The following RERE variants were observed in gnomAD, a reference collection of about 807,000 sequenced individuals.
The protein encoded by RERE is arginine-glutamic acid dipeptide repeats protein.
In RERE, 40 loss-of-function variants were observed where a neutral mutation model predicts 146.1. The ratio of observed to expected loss-of-function variants is 0.27; its 90% CI spans 0.21 to 0.36. The LOEUF (loss-of-function observed/expected upper bound fraction) is 0.36. Ranked by LOEUF, RERE falls within the 10% of genes least tolerant of loss-of-function variation. RERE has a pLI of 1.00. For synonymous variants in RERE, 1,003 were observed against 866.0 expected (o/e 1.16, Z -2.78); for missense variants, 1,933 against 2,138.7 (o/e 0.90, Z 1.90).
intron 12 of RERE, among the ~76,000 whole-genome samples, chr1:8,374,917 C>T (rs1642181540): frequency 6.6e-6 from 1 of 152,216 alleles, no homozygotes; most frequent in African/African-American, 2.4e-5. Context: ...TCCTCCTCAT[C>T]ACTCAGGACT....
intron 2 of RERE, among the ~76,000 whole-genome samples, chr1:8,628,562 A>C (rs1259748804): frequency 6.6e-6 from 1 of 152,218 alleles, no homozygotes; most frequent in Non-Finnish European, 1.5e-5. Flanking sequence ...TCACAGAAAA[A>C]AATTCTACTT....
intron 1 of RERE, among the ~76,000 whole-genome samples, chr1:8,682,993 G>T (rs1639004116): frequency 8.9e-6 from 1 of 111,794 alleles, no homozygotes; most frequent in Non-Finnish European, 1.6e-5. Context: ...TCAGAAGTTA[G>T]ACTCCATAAT....
At chr1:8,704,278 G>A (rs1335374157) in intron 1 of RERE, among the ~76,000 whole-genome samples, 1 of 152,146 alleles carries the variant, frequency 6.6e-6, no homozygotes, top group Non-Finnish European at 1.5e-5. Context: ...AGTGGTGATA[G>A]CCAAGATCAT....
intron 12 of RERE, among the ~76,000 whole-genome samples, chr1:8,398,793 G>A (rs187246440): frequency 4.0e-4 from 61 of 152,156 alleles, no homozygotes; most frequent in Admixed American, 2.5e-3. Context: ...GCTATACATC[G>A]AAAAATTTGC....
intron 4 of RERE, among the ~76,000 whole-genome samples, chr1:8,560,399 T>G (rs535563081): frequency 8.5e-4 from 129 of 152,302 alleles, no homozygotes; most frequent in African/African-American, 3.0e-3. Context: ...GGTCTAGTAA[T>G]TCATTTTGTT....
rs372824587 is a variant in RERE, at chr1:8,529,019, G to A, written c.830+12195C>T. Among the ~76,000 whole-genome samples the A allele has an allele frequency of 3.9e-5, 6 of 152,118 alleles. No individual in the cohort carries two copies. In the South Asian group the frequency reaches 8.3e-4, roughly 21 times the overall value. On this transcript the variant is annotated intron_variant, in intron 7 of 22. Transcript: ENST00000400908. ...TGGATTTTGAAGCATTTTAGATTTC[G>A]AATTTTCAGATTAGAGATGCTCAAC...
At chr1:8,538,792 G>A (rs183328322) in intron 7 of RERE, among the ~76,000 whole-genome samples, 1 of 152,304 alleles carries the variant, frequency 6.6e-6, no homozygotes, top group Non-Finnish European at 1.5e-5. Context: ...GACTAGAAAG[G>A]TCACTAAGGG....
intron 12 of RERE, among the ~76,000 whole-genome samples, chr1:8,380,496 G>A (rs1004625030): frequency 3.3e-5 from 5 of 152,070 alleles, no homozygotes; most frequent in Non-Finnish European, 5.9e-5. Flanking sequence ...CTATAGGCAC[G>A]TGCCACCGCA....
intron 4 of RERE, among the ~76,000 whole-genome samples, chr1:8,574,982 G>T (rs147970964): frequency 6.6e-6 from 1 of 151,980 alleles, no homozygotes. Context: ...AGTCTAATTC[G>T]CAAATGCTAA....
intron 4 of RERE, among the ~76,000 whole-genome samples, chr1:8,600,183 C>T (rs532422907): frequency 2.0e-5 from 3 of 152,158 alleles, no homozygotes; most frequent in Non-Finnish European, 4.4e-5. Flanking sequence ...TTGCCTTCCA[C>T]CATGATTGTG....
intron 11 of RERE, among the ~76,000 whole-genome samples, chr1:8,453,791 A>G (rs1644417194): frequency 6.6e-6 from 1 of 151,242 alleles, no homozygotes; most frequent in African/African-American, 2.4e-5. Context: ...CCTGGGCAAC[A>G]GAGCAAGACT....
At chr1:8,471,286 A>G (rs1056317407) in intron 10 of RERE, among the ~76,000 whole-genome samples, 1 of 152,116 alleles carries the variant, frequency 6.6e-6, no homozygotes, top group African/African-American at 2.4e-5. Flanking sequence ...GCACTCTATT[A>G]GGTGCTGGGA....
chr1:8,814,594 C>T (rs1246464354), intron 1 of RERE, among the ~76,000 whole-genome samples: 2 of 152,178 alleles, frequency 1.3e-5, no homozygotes, highest in African/African-American at 2.4e-5. Flanking sequence ...GATTTCCCTC[C>T]TTCAACTCCT....
chr1:8,733,529 G>GT (rs1640132806), intron 1 of RERE, among the ~76,000 whole-genome samples: 1 of 152,212 alleles, frequency 6.6e-6, no homozygotes, highest in African/African-American at 2.4e-5. Flanking sequence ...GCCAGGTGCA[G>GT]TATCATGAAG....
At chr1:8,746,876 A>AAGAGAGAGAGAGAG (rs201913344) in intron 1 of RERE, among the ~76,000 whole-genome samples, 1 of 145,292 alleles carries the variant, frequency 6.9e-6, no homozygotes, top group African/African-American at 2.5e-5. Context: ...GGGAACAAAA[A>AAGAGAGAGAGAGAG]AGAGAGAGAG....
intron 3 of RERE, among the ~76,000 whole-genome samples, chr1:8,622,811 T>C (rs1328018739): frequency 1.3e-5 from 2 of 151,972 alleles, no homozygotes; most frequent in Admixed American, 1.3e-4. Flanking sequence ...TATACTACTT[T>C]GGTACTTGGG....
intron 1 of RERE, among the ~76,000 whole-genome samples, chr1:8,740,437 A>G (rs369015455): frequency 2.0e-5 from 3 of 152,188 alleles, no homozygotes; most frequent in African/African-American, 7.2e-5. Flanking sequence ...TGAACTTTAT[A>G]AACACTGTGT....
At chr1:8,663,878 T>G (rs1015213267) in intron 1 of RERE, among the ~76,000 whole-genome samples, 1 of 152,160 alleles carries the variant, frequency 6.6e-6, no homozygotes, top group Non-Finnish European at 1.5e-5. Context: ...CTGGGAATAC[T>G]GTTCCCCGCC....
intron 1 of RERE, among the ~76,000 whole-genome samples, chr1:8,745,519 A>T (rs1443952608): frequency 6.6e-6 from 1 of 152,032 alleles, no homozygotes; most frequent in Admixed American, 6.6e-5. Context: ...TCCATTCCAG[A>T]CCACCGTTGG....
Sources: gnomAD v4.1 joint callset for allele counts (sites outside exome capture counted in the v4.1 genomes callset) on GRCh38, gnomAD v4.1.1 for gene constraint, MANE v1.5 for transcripts, NCBI Gene and HGNC (gene_info 2026-07-23, HGNC 2026-07-21) for gene names.